SH3D19: variants seen among roughly 807,000 people sequenced by gnomAD.
SH3D19 encodes the protein SH3 domain containing 19.
In SH3D19, 58 loss-of-function variants were observed where a neutral mutation model predicts 112.1. That is an observed-to-expected ratio of 0.52 (90% CI 0.42 to 0.64). The LOEUF is 0.64. Among genes scored for constraint, SH3D19 ranks in the 30% least tolerant of loss-of-function variants. The pLI is 0.00. For synonymous variants in SH3D19, 391 were observed against 448.5 expected, an observed-to-expected ratio of 0.87 and a Z score of 1.62; for missense variants, 1,090 against 1,263.4, an observed-to-expected ratio of 0.86 and a Z score of 2.08.
chr4:151,232,520 T>C (rs528831936), intron 1 of SH3D19, among the ~76,000 whole-genome samples: 2 of 152,308 alleles, frequency 1.3e-5, no homozygotes, highest in South Asian at 2.1e-4. Context: ...TAACTAGTTG[T>C]AGCAAATGAT....
At chr4:151,204,995 A>G (rs1277074220) in intron 2 of SH3D19, among the ~76,000 whole-genome samples, 1 of 151,828 alleles carries the variant, frequency 6.6e-6, no homozygotes. Context: ...TAATTTTTAC[A>G]TTTTTAATAG....
intron 2 of SH3D19, among the ~76,000 whole-genome samples, chr4:151,214,809 G>A (rs1280466881): frequency 1.4e-5 from 2 of 138,814 alleles, no homozygotes; most frequent in Non-Finnish European, 3.2e-5. Context: ...GCCTGGCGGG[G>A]GCTGACCCCC....
chr4:151,291,359 A>G, intron 1 of SH3D19: 1 of 1,614,006 alleles, frequency 6.2e-7, no homozygotes, highest in Non-Finnish European at 8.5e-7. Flanking sequence ...TTTGGACCTA[A>G]CACTATACAC....
intron 1 of SH3D19, among the ~76,000 whole-genome samples, chr4:151,278,415 GGTT>G (rs56049517): frequency 0.35 from 52,140 of 150,956 alleles, 10,118 homozygotes; most frequent in Non-Finnish European, 0.46. Context: ...CTACAGGTGT[GGTT>G]GAACCACACC....
chr4:151,188,893 T>C (rs925736922), intron 2 of SH3D19, among the ~76,000 whole-genome samples: 4 of 151,882 alleles, frequency 2.6e-5, no homozygotes, highest in Admixed American at 2.6e-4. Flanking sequence ...CACACTGGAG[T>C]TGGATGGGCC....
intron 1 of SH3D19, among the ~76,000 whole-genome samples, chr4:151,318,880 T>C (rs1730271003): frequency 6.6e-6 from 1 of 152,206 alleles, no homozygotes; most frequent in Admixed American, 6.5e-5. Context: ...CATGGACTAC[T>C]TTATATTCTT....
At chr4:151,157,525 G>C (rs1479692085) in intron 9 of SH3D19, among the ~76,000 whole-genome samples, 2 of 151,802 alleles carry the variant, frequency 1.3e-5, no homozygotes, top group Non-Finnish European at 2.9e-5. Context: ...GTAGAGAACA[G>C]GATGGAAGCT....
intron 1 of SH3D19, among the ~76,000 whole-genome samples, chr4:151,317,232 G>A (rs1429521219): frequency 1.3e-5 from 2 of 152,104 alleles, no homozygotes; most frequent in Non-Finnish European, 2.9e-5. Context: ...TTAGTACATG[G>A]GCAAACTGCT....
Position 151,279,678 on chromosome 4 carries a change from G to GT in SH3D19, c.112+45562dup, listed in dbSNP as rs1773995292. 8 of 886,988 alleles carry GT rather than the reference G, an allele frequency of 9.0e-6. No homozygotes were observed. In the South Asian group the frequency reaches 9.9e-5, roughly 11 times the overall value. 54.9% of individuals were successfully genotyped at this position (886,988 alleles called of 1,614,324 possible). A position where few individuals can be genotyped will look rare whatever the true frequency, so the allele number is the denominator to read the frequency against. ...TGGAACCAGAATAGGATGGAGTATG[G>GT]TGTCTAGGGAGGGTTCAGGTCCTAG... On this transcript the variant is annotated intron_variant, in intron 1 of 19. Transcript: ENST00000604030.
chr4:151,281,252 G>A (rs962516812), intron 1 of SH3D19, among the ~76,000 whole-genome samples: 7 of 152,152 alleles, frequency 4.6e-5, no homozygotes, highest in Non-Finnish European at 1.0e-4. Context: ...GAATGAGACT[G>A]GTGATGGGTA....
chr4:151,260,376 G>A (rs1317417448), intron 1 of SH3D19, among the ~76,000 whole-genome samples: 1 of 152,122 alleles, frequency 6.6e-6, no homozygotes, highest in African/African-American at 2.4e-5. Context: ...CACCATCACT[G>A]TCCCCCAATC....
At chr4:151,134,428 A>C (rs1751394894) in intron 15 of SH3D19, among the ~76,000 whole-genome samples, 1 of 152,242 alleles carries the variant, frequency 6.6e-6, no homozygotes. Flanking sequence ...AACCCCTTCA[A>C]CTTAACTCTT....
intron 1 of SH3D19, among the ~76,000 whole-genome samples, chr4:151,263,790 TTTGTTGTTGTTGTTGTTG>T (rs145008066): frequency 0.35 from 52,385 of 150,974 alleles, 10,443 homozygotes; most frequent in Non-Finnish European, 0.44. Context: ...AGCTACAGTT[TTTGTTGTTGTTGTTGTTG>T]TTGTTGTTGT....
intron 2 of SH3D19, among the ~76,000 whole-genome samples, chr4:151,195,470 C>T (rs1763327821): frequency 1.3e-5 from 2 of 150,498 alleles, no homozygotes; most frequent in Non-Finnish European, 3.0e-5. Flanking sequence ...AGGCATTGTG[C>T]TGGGCACCAA....
At chr4:151,179,436 G>T in intron 3 of SH3D19, 39 bp from the exon 4 acceptor site, 1 of 1,176,568 alleles carries the variant, frequency 8.5e-7, no homozygotes, top group Non-Finnish European at 1.1e-6. Flanking sequence ...TACAAAATTA[G>T]TATGTTTGGT....
intron 19 of SH3D19, among the ~76,000 whole-genome samples, chr4:151,126,749 G>A (rs1749445389): frequency 7.1e-6 from 1 of 140,432 alleles, no homozygotes; most frequent in African/African-American, 2.6e-5. Flanking sequence ...AGTGAGCCGA[G>A]ATCGCCCCAC....
At chr4:151,296,449 C>T (rs541080503) in intron 1 of SH3D19, among the ~76,000 whole-genome samples, 2 of 152,218 alleles carry the variant, frequency 1.3e-5, no homozygotes, top group South Asian at 4.1e-4. Flanking sequence ...AGTTGGCAGG[C>T]GGCCACCCAG....
rs185970445 is a variant in SH3D19, at chr4:151,198,007, A to T, written c.153-10544T>A. On this transcript the variant is annotated intron_variant, in intron 2 of 19. Transcript: ENST00000604030. ...GATTTTTTCCACATCAGATAACTTT[A>T]AAAAATGTATCTTTCAGGCCAGGTG... Among the ~76,000 whole-genome samples the T allele has an allele frequency of 2.4e-3, 359 of 152,116 alleles. 1 individual carries two copies. The highest frequency in any genetic ancestry group is 8.4e-3 in the African/African-American group (348 of 41,458).
chr4:151,136,057 C>T (rs1309489931), intron 14 of SH3D19, among the ~76,000 whole-genome samples: 2 of 151,868 alleles, frequency 1.3e-5, no homozygotes, highest in Admixed American at 1.3e-4. Context: ...ATTCTCTTCA[C>T]ATTTATAACT....
Sources: gnomAD v4.1 joint callset for allele counts (sites outside exome capture counted in the v4.1 genomes callset) on GRCh38, gnomAD v4.1.1 for gene constraint, MANE v1.5 for transcripts, NCBI Gene and HGNC (gene_info 2026-07-23, HGNC 2026-07-21) for gene names.